Variants in FRAS1 observed in about 807,000 individuals in gnomAD.
The protein encoded by FRAS1 is extracellular matrix organizing protein FRAS1.
In FRAS1, 290 loss-of-function variants were observed where a neutral mutation model predicts 435.2. That is an observed-to-expected ratio of 0.67 (90% CI 0.61 to 0.73). The LOEUF is 0.73. Ranked by LOEUF, FRAS1 falls within the 30% of genes least tolerant of loss-of-function variation. The pLI, the probability that FRAS1 is intolerant of heterozygous loss-of-function variation, is 0.00. For missense variants in FRAS1, 4,860 were observed against 5,001.5 expected (o/e 0.97, Z 0.85); for synonymous variants, 1,800 against 1,851.0 (o/e 0.97, Z 0.71).
intron 29 of FRAS1, among the ~76,000 whole-genome samples, chr4:78,393,645 A>G (rs1183288122): frequency 6.6e-6 from 1 of 152,000 alleles, no homozygotes; most frequent in African/African-American, 2.4e-5. Flanking sequence ...ATATTCCACT[A>G]TATGTTCATT....
intron 44 of FRAS1, among the ~76,000 whole-genome samples, chr4:78,449,748 T>G (rs1222112016): frequency 6.6e-6 from 1 of 152,178 alleles, no homozygotes; most frequent in African/African-American, 2.4e-5. Context: ...AAAGCTATAT[T>G]TTTCTGATTT....
rs139162588 is a variant in FRAS1, at chr4:78,375,744, C to A, written c.3157C>A (p.Pro1053Thr). The A allele has an allele frequency of 1.4e-5, 22 of 1,593,904 alleles. No individual in the cohort carries two copies. The East Asian group carries it at 5.0e-4, about 36-fold the overall frequency. The change falls in exon 26 of 74, where the codon CCT becomes ACT. Residue 1053 changes from proline (P) to threonine (T), a missense_variant. By Grantham distance (38) the Pro-to-Thr change is conservative (BLOSUM62 -1). Transcript: ENST00000512123. The part of the protein sequence containing the change: ...DHAKHKCTAC[P>T]QGCLQCSHRD... ...AGTGTTTCCTTTTTTAATAGCCTGC[C>A]CTCAGGGGTGCTTGCAGTGCAGCCA...
intron 47 of FRAS1, among the ~76,000 whole-genome samples, chr4:78,455,271 T>G (rs565949917): frequency 2.4e-4 from 16 of 65,686 alleles, no homozygotes; most frequent in Non-Finnish European, 4.7e-4. Context: ...GTGTGATTGT[T>G]TTTACATGCC....
chr4:78,186,225 C>T (rs1027762316), intron 2 of FRAS1, among the ~76,000 whole-genome samples: 2 of 151,430 alleles, frequency 1.3e-5, no homozygotes, highest in African/African-American at 4.8e-5. Context: ...TGATAGACTG[C>T]TTGGGAAATT....
chr4:78,334,432 A>G lies in FRAS1; in HGVS notation c.2278+1020A>G, dbSNP rs376063791. On this transcript the variant is annotated intron_variant, in intron 19 of 73. Transcript: ENST00000512123. Reference sequence around the variant, plus strand: ...CGTCACCAGGCTGGAGTGCAGTGGCACGATCTCAGCTCACTGCAACCTCCG... The same window carrying G: ...CGTCACCAGGCTGGAGTGCAGTGGCGCGATCTCAGCTCACTGCAACCTCCG... Among the ~76,000 whole-genome samples, 673 of 126,194 alleles carry G rather than the reference A, an allele frequency of 5.3e-3. 1 individual carries two copies. The highest frequency in any genetic ancestry group is 0.02 in the African/African-American group (644 of 31,718). 82.8% of individuals were successfully genotyped at this position (126,194 alleles called of 152,430 possible). A position where few individuals can be genotyped will look rare whatever the true frequency, so the allele number is the denominator to read the frequency against.
chr4:78,116,924 C>T (rs1743230061), intron 2 of FRAS1, among the ~76,000 whole-genome samples: 1 of 152,140 alleles, frequency 6.6e-6, no homozygotes, highest in African/African-American at 2.4e-5. Flanking sequence ...TCTTCCTAGC[C>T]TTGATGATCT....
At chr4:78,355,102 C>T (rs781661256) in intron 20 of FRAS1, among the ~76,000 whole-genome samples, 6 of 152,060 alleles carry the variant, frequency 3.9e-5, no homozygotes, top group Non-Finnish European at 8.8e-5. Flanking sequence ...AGCATGTCTA[C>T]GTGCTGTGCA....
chr4:78,200,886 T>TATATAC lies in FRAS1; in HGVS notation c.109-36624_109-36623insATATAC, dbSNP rs58624223. ...CATGCCTTGAATATATATATATATA[T>TATATAC]GTATATATATAAATACGTATATATA... is the stretch of plus-strand genomic sequence containing the variant. On this transcript the variant is annotated intron_variant, in intron 2 of 73. Transcript: ENST00000512123. Among the ~76,000 whole-genome samples, 3 of 134,640 alleles carry TATATAC rather than the reference T, an allele frequency of 2.2e-5. No homozygotes were observed. The South Asian group carries it at 8.5e-4, about 38-fold the overall frequency. The allele number at this position is 134,640 out of a possible 152,430, so 88.3% of individuals were successfully genotyped here.
At chr4:78,194,591 C>T (rs1189662456) in intron 2 of FRAS1, among the ~76,000 whole-genome samples, 3 of 152,180 alleles carry the variant, frequency 2.0e-5, no homozygotes, top group Non-Finnish European at 2.9e-5. Context: ...GCATTCATCA[C>T]GTATTTCTTG....
chr4:78,222,497 G>C lies in FRAS1; in HGVS notation c.109-15013G>C, dbSNP rs137856942. On this transcript the variant is annotated intron_variant, in intron 2 of 73. Transcript: ENST00000512123. ...AGAAAGAAAGGCTAAAAGTTCTTAG[G>C]AGAATGTTTGCCTTTGCATGTATAT... 5.1e-3 allele frequency among the ~76,000 whole-genome samples: 774 copies of C among 152,348 alleles called. 25 individuals carry two copies. Among genetic ancestry groups the C allele is most frequent in the Admixed American group, 0.046 (707 of 15,306 alleles).
chr4:78,307,233 A>C (rs191546069), intron 14 of FRAS1, among the ~76,000 whole-genome samples: 202 of 152,308 alleles, frequency 1.3e-3, no homozygotes, highest in South Asian at 8.5e-3. Flanking sequence ...TTCAGATCTC[A>C]AGCTGCGTGC....
intron 2 of FRAS1, among the ~76,000 whole-genome samples, chr4:78,127,023 C>T (rs1719398974): frequency 6.6e-6 from 1 of 152,046 alleles, no homozygotes; most frequent in Non-Finnish European, 1.5e-5. Context: ...TACTAGGCAC[C>T]AGGATAGAAC....
chr4:78,314,710 T>A (rs1232356494), intron 15 of FRAS1, among the ~76,000 whole-genome samples: 1 of 152,164 alleles, frequency 6.6e-6, no homozygotes, highest in Admixed American at 6.5e-5. Flanking sequence ...GGCAGCCTAG[T>A]CTCCTCCCAG....
intron 38 of FRAS1, among the ~76,000 whole-genome samples, chr4:78,435,684 G>A (rs567277203): frequency 6.6e-6 from 1 of 151,582 alleles, no homozygotes; most frequent in Admixed American, 6.6e-5. Context: ...GTTGCAGTGA[G>A]CCAAGATCAT....
Position 78,079,332 on chromosome 4 carries a change from G to A in FRAS1, c.108+13316G>A, listed in dbSNP as rs542547143. 2.1e-4 allele frequency among the ~76,000 whole-genome samples: 32 copies of A among 152,200 alleles called. 1 individual carries two copies. Among genetic ancestry groups the A allele is most frequent in the South Asian group, 4.1e-4 (2 of 4,824 alleles). On this transcript the variant is annotated intron_variant, in intron 2 of 73. Transcript: ENST00000512123. ...TTGAAAGAGTGAAGAAAAAATGGCT[G>A]AAGAAAACCAAGAATGGACCAGATA... is the stretch of plus-strand genomic sequence containing the variant.
At chr4:78,183,657 G>T (rs1417512048) in intron 2 of FRAS1, among the ~76,000 whole-genome samples, 3 of 151,710 alleles carry the variant, frequency 2.0e-5, no homozygotes, top group African/African-American at 7.3e-5. Context: ...TCTGTGAGTA[G>T]TCCATAGTTC....
intron 2 of FRAS1, among the ~76,000 whole-genome samples, chr4:78,129,984 T>G (rs1045599368): frequency 6.6e-6 from 1 of 152,216 alleles, no homozygotes; most frequent in Non-Finnish European, 1.5e-5. Flanking sequence ...GCTACTTGGC[T>G]CCTGCACTAG....
At chr4:78,432,694 G>T in intron 38 of FRAS1, 90 bp downstream of exon 38, 1 of 1,421,634 alleles carries the variant, frequency 7.0e-7, no homozygotes, top group Non-Finnish European at 9.4e-7. Context: ...GAATATTTGG[G>T]GCAGCAGGTA....
At chr4:78,373,782 A>G (rs1394946317) in intron 24 of FRAS1, among the ~76,000 whole-genome samples, 1 of 152,060 alleles carries the variant, frequency 6.6e-6, no homozygotes, top group Admixed American at 6.6e-5. Context: ...TTAAATAATA[A>G]TAATAATAAT....
Sources: allele counts gnomAD v4.1 joint callset (sites outside exome capture counted in the v4.1 genomes callset), GRCh38; gene constraint gnomAD v4.1.1; transcripts MANE v1.5; gene names NCBI Gene and HGNC (gene_info 2026-07-23, HGNC 2026-07-21).